The following PDE4D variants were observed in gnomAD, a reference collection of about 807,000 sequenced individuals.
The protein encoded by PDE4D is phosphodiesterase 4D.
In PDE4D, 24 loss-of-function variants were observed where a neutral mutation model predicts 87.4. That is an observed-to-expected ratio of 0.27 (90% CI 0.20 to 0.39). The LOEUF (loss-of-function observed/expected upper bound fraction) is 0.39. Among genes scored for constraint, PDE4D ranks in the 10% least tolerant of loss-of-function variants. PDE4D has a pLI of 1.00. For synonymous variants in PDE4D, 384 were observed against 383.2 expected (o/e 1.00, Z -0.02); for missense variants, 714 against 1,041.0 (o/e 0.69, Z 4.32).
At chr5:59,059,808 G>C in intron 5 of PDE4D, among the ~76,000 whole-genome samples, 1 of 152,134 alleles carries the variant, frequency 6.6e-6, no homozygotes, top group East Asian at 1.9e-4. Flanking sequence ...CAAATAGAGT[G>C]TTGCAGACTG....
rs570878917 is a variant in PDE4D at position 59,911,805 on chromosome 5, C to T, written c.272+76683G>A. ...TAACTGAATGATCTTTTGATGAGGT[C>T]TAATTTATACTATAATTCATTTTTT... On this transcript the variant is annotated intron_variant, in intron 3 of 16. Transcript: ENST00000502484. Among the ~76,000 whole-genome samples the T allele has an allele frequency of 1.3e-3, 195 of 152,162 alleles. 1 individual carries two copies. The highest frequency in any genetic ancestry group is 3.4e-3 in the Middle Eastern group (1 of 294).
intron 1 of PDE4D, among the ~76,000 whole-genome samples, chr5:59,299,154 GTGAGTCT>G (rs1769680321): frequency 6.6e-6 from 1 of 152,180 alleles, no homozygotes; most frequent in South Asian, 2.1e-4. Flanking sequence ...TTTAATTCCT[GTGAGTCT>G]TGGCAAGGGC....
chr5:59,294,793 C>G (rs1222234925), intron 1 of PDE4D, among the ~76,000 whole-genome samples: 1 of 152,138 alleles, frequency 6.6e-6, no homozygotes, highest in Non-Finnish European at 1.5e-5. Context: ...TATGATTCTG[C>G]TTTAGGAATA....
chr5:59,461,612 A>C (rs1398667099), intron 1 of PDE4D, among the ~76,000 whole-genome samples: 1 of 152,218 alleles, frequency 6.6e-6, no homozygotes, highest in African/African-American at 2.4e-5. Flanking sequence ...TTACAGCCTG[A>C]ACTTCATAAT....
chr5:59,253,078 C>A (rs868282694), intron 1 of PDE4D, among the ~76,000 whole-genome samples: 19 of 152,018 alleles, frequency 1.2e-4, no homozygotes, highest in African/African-American at 4.6e-4. Flanking sequence ...GAATCTTGCC[C>A]CCTCTTTTTT....
At chr5:60,290,863 G>C (rs1265737954) in intron 1 of PDE4D, among the ~76,000 whole-genome samples, 1 of 151,794 alleles carries the variant, frequency 6.6e-6, no homozygotes, top group African/African-American at 2.4e-5. Context: ...TAAAGCAAAG[G>C]CATAATGATT....
chr5:59,611,936 C>A (rs796862855), intron 1 of PDE4D, among the ~76,000 whole-genome samples: 2 of 152,292 alleles, frequency 1.3e-5, no homozygotes, highest in African/African-American at 4.8e-5. Flanking sequence ...AATGAGCCAC[C>A]GGATTCCACT....
At chr5:59,346,492 A>C (rs954951465) in intron 1 of PDE4D, among the ~76,000 whole-genome samples, 2 of 152,092 alleles carry the variant, frequency 1.3e-5, no homozygotes, top group South Asian at 2.1e-4. Context: ...ATTCACTCCA[A>C]AATACAGGAT....
At chr5:59,713,298 G>A (rs1341341799) in intron 1 of PDE4D, among the ~76,000 whole-genome samples, 1 of 152,230 alleles carries the variant, frequency 6.6e-6, no homozygotes, top group African/African-American at 2.4e-5. Flanking sequence ...GGTCCAGCAT[G>A]ACTCAGCAAG....
chr5:58,998,563 A>G (rs1749752997), intron 6 of PDE4D, among the ~76,000 whole-genome samples: 1 of 152,198 alleles, frequency 6.6e-6, no homozygotes, highest in South Asian at 2.1e-4. Flanking sequence ...TACTTGGACA[A>G]CCAAGACTGA....
At chr5:59,788,338 G>A (rs1233992144) in intron 1 of PDE4D, among the ~76,000 whole-genome samples, 1 of 152,162 alleles carries the variant, frequency 6.6e-6, no homozygotes, top group Admixed American at 6.6e-5. Context: ...TGGGCACATA[G>A]AGCTGAGCCC....
intron 1 of PDE4D, among the ~76,000 whole-genome samples, chr5:59,852,804 A>T (rs149698426): frequency 7.1e-4 from 108 of 152,100 alleles, no homozygotes; most frequent in African/African-American, 2.5e-3. Flanking sequence ...ATCAGTTTGC[A>T]ACAGAAAAAG....
At chr5:59,006,668 C>T (rs1751684507) in intron 6 of PDE4D, among the ~76,000 whole-genome samples, 1 of 152,150 alleles carries the variant, frequency 6.6e-6, no homozygotes, top group Non-Finnish European at 1.5e-5. Context: ...TTTCTAGAGG[C>T]CACTTCCCTG....
chr5:59,103,599 C>T (rs1187346169), intron 5 of PDE4D, among the ~76,000 whole-genome samples: 1 of 152,180 alleles, frequency 6.6e-6, no homozygotes, highest in East Asian at 1.9e-4. Flanking sequence ...TTCCAGGTCA[C>T]CCCAGTCCCA....
intron 2 of PDE4D, among the ~76,000 whole-genome samples, chr5:60,111,108 A>C (rs1475038845): frequency 1.3e-5 from 2 of 152,026 alleles, no homozygotes; most frequent in African/African-American, 4.8e-5. Context: ...TTGGGTAAAC[A>C]TGGTTAGCTA....
At chr5:59,088,564 T>C (rs1768130411) in intron 5 of PDE4D, among the ~76,000 whole-genome samples, 1 of 152,104 alleles carries the variant, frequency 6.6e-6, no homozygotes, top group African/African-American at 2.4e-5. Flanking sequence ...TGCCCAACAG[T>C]AGTAGACAGG....
At chr5:59,147,182 G>T (rs1044837698) in intron 5 of PDE4D, among the ~76,000 whole-genome samples, 1 of 152,088 alleles carries the variant, frequency 6.6e-6, no homozygotes, top group African/African-American at 2.4e-5. Context: ...AAAAAGGTTG[G>T]GGACCACTGC....
intron 1 of PDE4D, among the ~76,000 whole-genome samples, chr5:60,436,536 G>A (rs978373165): frequency 1.3e-5 from 2 of 152,026 alleles, no homozygotes; most frequent in Non-Finnish European, 2.9e-5. Context: ...GTTCCAAGTA[G>A]AGTTCAAAGT....
At chr5:60,020,974 A>G in intron 2 of PDE4D, among the ~76,000 whole-genome samples, 1 of 152,176 alleles carries the variant, frequency 6.6e-6, no homozygotes, top group East Asian at 1.9e-4. Context: ...CCAATCAGTA[A>G]AGTCTGAATT....
Sources: allele counts gnomAD v4.1 joint callset (sites outside exome capture counted in the v4.1 genomes callset), GRCh38; gene constraint gnomAD v4.1.1; transcripts MANE v1.5; gene names NCBI Gene and HGNC (gene_info 2026-07-23, HGNC 2026-07-21).